The following MED27 variants were observed in gnomAD, a reference collection of about 807,000 sequenced individuals.
MED27 encodes mediator complex subunit 27, also known as mediator of RNA polymerase II transcription subunit 27.
Under a neutral mutation model 38.2 loss-of-function variants are expected in MED27, and 30 were observed. That is an observed-to-expected ratio of 0.79 (90% confidence interval 0.59 to 1.07). The LOEUF is 1.07. Ranked by LOEUF, MED27 falls within the 50% of genes least tolerant of loss-of-function variation. The pLI is 0.00. For synonymous variants in MED27, 122 were observed against 153.5 expected, an observed-to-expected ratio of 0.79 and a Z score of 1.52; for missense variants, 289 against 397.5, an observed-to-expected ratio of 0.73 and a Z score of 2.32.
At chr9:132,026,305 T>C (rs1017880427) in intron 2 of MED27, among the ~76,000 whole-genome samples, 4 of 152,200 alleles carry the variant, frequency 2.6e-5, no homozygotes, top group Admixed American at 2.0e-4. Context: ...CAACACCTCA[T>C]GTGTCCTTTT....
rs1838654473 is a variant in MED27 at position 131,861,681 on chromosome 9, C to T, written c.802-1009G>A. ...CCACAAATAGTACTCATGTCTGTGC[C>T]TCAAATCAATCAATCAACAGATTCG... On this transcript the variant is annotated intron_variant, in intron 7 of 7. Coordinates refer to ENST00000292035, the MANE Select transcript of MED27 (RefSeq NM_004269.4). This position sits in a 1 kb window ranked among gnomAD's most constrained non-coding sequence, Gnocchi z 4.4. Among the ~76,000 whole-genome samples the T allele has an allele frequency of 6.6e-6, 1 of 152,164 alleles. No homozygotes were observed. Among genetic ancestry groups the T allele is most frequent in the African/African-American group, 2.4e-5 (1 of 41,430 alleles).
chr9:131,877,936 C>G (rs558014090), intron 6 of MED27, among the ~76,000 whole-genome samples: 1 of 152,110 alleles, frequency 6.6e-6, no homozygotes, highest in African/African-American at 2.4e-5. Flanking sequence ...AGTAAACAGA[C>G]CTTGATCAAG....
At chr9:131,963,983 T>C (rs1387264245) in intron 3 of MED27, among the ~76,000 whole-genome samples, 2 of 152,148 alleles carry the variant, frequency 1.3e-5, no homozygotes, top group Non-Finnish European at 2.9e-5. Flanking sequence ...AAATGAATAG[T>C]GAATAAGTGA....
chr9:132,026,426 CT>C (rs1832820048), intron 2 of MED27, among the ~76,000 whole-genome samples: 1 of 152,206 alleles, frequency 6.6e-6, no homozygotes, highest in Admixed American at 6.5e-5. Flanking sequence ...TCTGAAACAC[CT>C]TTCCCAAGGC....
intron 2 of MED27, among the ~76,000 whole-genome samples, chr9:132,074,053 A>T: frequency 6.6e-6 from 1 of 152,260 alleles, no homozygotes; most frequent in Non-Finnish European, 1.5e-5. Context: ...AATAAGCACT[A>T]TCAAGTCTAC....
intron 3 of MED27, among the ~76,000 whole-genome samples, chr9:132,002,110 A>G (rs1397325447): frequency 6.6e-6 from 1 of 152,098 alleles, no homozygotes; most frequent in Non-Finnish European, 1.5e-5. Flanking sequence ...TAAAGTGAGG[A>G]CTGGCCCTGA....
intron 4 of MED27, among the ~76,000 whole-genome samples, chr9:131,899,602 AG>A (rs1829899033): frequency 6.6e-6 from 1 of 152,164 alleles, no homozygotes; most frequent in Non-Finnish European, 1.5e-5. Context: ...ACTTGGGCCT[AG>A]GGGTGCGGTG....
At chr9:131,908,602 T>C (rs1341092455) in intron 4 of MED27, among the ~76,000 whole-genome samples, 1 of 152,224 alleles carries the variant, frequency 6.6e-6, no homozygotes, top group African/African-American at 2.4e-5. Flanking sequence ...CTCTGAAACA[T>C]GTGCTGTGTC....
chr9:132,043,045 A>G (rs1254412624), intron 2 of MED27, among the ~76,000 whole-genome samples: 1 of 152,180 alleles, frequency 6.6e-6, no homozygotes, highest in Non-Finnish European at 1.5e-5. Context: ...ACTCTCAGTA[A>G]TAAGAGCACT....
At chr9:131,999,705 G>C (rs1832178444) in intron 3 of MED27, among the ~76,000 whole-genome samples, 2 of 152,258 alleles carry the variant, frequency 1.3e-5, no homozygotes, top group South Asian at 4.1e-4. Context: ...AGACTTCAGT[G>C]CTTCAAAGAT....
chr9:132,037,985 T>C (rs1833118301), intron 2 of MED27, among the ~76,000 whole-genome samples: 1 of 152,002 alleles, frequency 6.6e-6, no homozygotes, highest in Non-Finnish European at 1.5e-5. Flanking sequence ...TGTGATGCAT[T>C]GACGCAACCA....
At chr9:131,877,979 A>T (rs1838966635) in intron 6 of MED27, among the ~76,000 whole-genome samples, 1 of 152,086 alleles carries the variant, frequency 6.6e-6, no homozygotes, top group African/African-American at 2.4e-5. Flanking sequence ...CTTGCATATT[A>T]AAAAGAATGA....
intron 4 of MED27, among the ~76,000 whole-genome samples, chr9:131,911,735 T>A (rs1275417139): frequency 6.6e-6 from 1 of 152,196 alleles, no homozygotes; most frequent in African/African-American, 2.4e-5. Flanking sequence ...AGATGCAGAG[T>A]ACCTAGCAAC....
chr9:131,999,869 T>C (rs911674698), intron 3 of MED27, among the ~76,000 whole-genome samples: 4 of 151,810 alleles, frequency 2.6e-5, no homozygotes, highest in Non-Finnish European at 5.9e-5. Context: ...AAACTTGGAG[T>C]GTTTGGACTT....
At chr9:131,870,143 T>C (rs184744358) in intron 6 of MED27, among the ~76,000 whole-genome samples, 23 of 152,186 alleles carry the variant, frequency 1.5e-4, no homozygotes, top group African/African-American at 5.1e-4. Context: ...TTGGAGATCA[T>C]GAGTTATTTT....
intron 2 of MED27, 86 bp from the exon 3 acceptor site, chr9:132,014,553 A>C (rs1282618782): frequency 1.5e-6 from 2 of 1,354,960 alleles, no homozygotes; most frequent in African/African-American, 1.5e-5. Flanking sequence ...AATGCTTGAT[A>C]ATCTTATCCC....
At chr9:131,944,338 C>T (rs555387488) in intron 3 of MED27, among the ~76,000 whole-genome samples, 185 of 152,206 alleles carry the variant, frequency 1.2e-3, no homozygotes, top group African/African-American at 4.3e-3. Context: ...CCTCATGAGG[C>T]AACCCCTTGC....
intron 3 of MED27, among the ~76,000 whole-genome samples, chr9:131,983,143 C>T (rs1297517284): frequency 6.6e-6 from 1 of 152,144 alleles, no homozygotes; most frequent in African/African-American, 2.4e-5. Context: ...TTCTATGCTT[C>T]CTCTCTCTTT....
At chr9:132,065,178 T>C (rs771181570) in intron 2 of MED27, among the ~76,000 whole-genome samples, 22 of 152,156 alleles carry the variant, frequency 1.4e-4, no homozygotes, top group Non-Finnish European at 2.1e-4. Context: ...CATATACACG[T>C]TCAAAATCTA....
Sources: gnomAD v4.1 joint callset for allele counts (sites outside exome capture counted in the v4.1 genomes callset) on GRCh38, gnomAD v4.1.1 for gene constraint, Gnocchi (gnomAD v3.1) non-coding constraint, MANE v1.5 for transcripts, NCBI Gene and HGNC (gene_info 2026-07-23, HGNC 2026-07-21) for gene names.